The following LRRC8B variants were observed in gnomAD, a reference collection of about 807,000 sequenced individuals.
LRRC8B encodes leucine rich repeat containing 8 VRAC subunit B.
Under a neutral mutation model 58.8 loss-of-function variants are expected in LRRC8B, and 23 were observed. The ratio of observed to expected loss-of-function variants is 0.39; its 90% CI spans 0.28 to 0.55. The LOEUF is 0.55. Among genes scored for constraint, LRRC8B ranks in the 20% least tolerant of loss-of-function variants. LRRC8B has a pLI of 0.62. For synonymous variants in LRRC8B, 359 were observed against 374.1 expected, an observed-to-expected ratio of 0.96 and a Z score of 0.47; for missense variants, 694 against 936.0, an observed-to-expected ratio of 0.74 and a Z score of 3.37.
intron 1 of LRRC8B, among the ~76,000 whole-genome samples, chr1:89,527,149 G>T (rs1318720019): frequency 6.6e-6 from 1 of 152,146 alleles, no homozygotes; most frequent in Non-Finnish European, 1.5e-5. Context: ...GAACATCCTT[G>T]TTTTAGCCAA....
intron 3 of LRRC8B, among the ~76,000 whole-genome samples, chr1:89,578,463 T>A (rs1654005901): frequency 6.6e-6 from 1 of 152,350 alleles, no homozygotes; most frequent in Non-Finnish European, 1.5e-5. Flanking sequence ...CCTGTAGTTA[T>A]GAATTAGTGT....
At position 89,567,097 on chromosome 1, in the gene LRRC8B, G is replaced by A. The variant is rs181053633; in HGVS notation, c.-240-1150G>A. On this transcript the variant is annotated intron_variant, in intron 1 of 5. Coordinates refer to ENST00000330947, the MANE Select transcript of LRRC8B (RefSeq NM_001369817.2). ...ACTGGTGGACGTGCTGACGCAGGCC[G>A]CCTGCCTCAGCAGCTGGGTCGGTCA... Among the ~76,000 whole-genome samples, 1,472 of 152,254 alleles carry A rather than the reference G, an allele frequency of 9.7e-3. 15 individuals carry two copies. Among genetic ancestry groups the A allele is most frequent in the Admixed American group, 0.014 (213 of 15,292 alleles).
intron 3 of LRRC8B, among the ~76,000 whole-genome samples, chr1:89,571,211 A>C (rs1420607888): frequency 6.6e-6 from 1 of 152,128 alleles, no homozygotes; most frequent in Non-Finnish European, 1.5e-5. Context: ...TTTTGGTTCC[A>C]TGTGAGTTTT....
At chr1:89,576,983 A>G (rs59270359) in intron 3 of LRRC8B, among the ~76,000 whole-genome samples, 3,228 of 152,308 alleles carry the variant, frequency 0.021, 107 homozygotes, top group African/African-American at 0.073. Context: ...TAGAGAGAGA[A>G]CTCAACAAAA....
intron 1 of LRRC8B, among the ~76,000 whole-genome samples, chr1:89,564,191 A>T (rs1319333133): frequency 6.6e-6 from 1 of 152,196 alleles, no homozygotes; most frequent in Admixed American, 6.5e-5. Flanking sequence ...TGCAAGCAGG[A>T]TGTACCCTTG....
intron 3 of LRRC8B, among the ~76,000 whole-genome samples, chr1:89,575,886 T>A (rs1653809907): frequency 1.3e-5 from 2 of 152,222 alleles, no homozygotes; most frequent in Non-Finnish European, 2.9e-5. Flanking sequence ...TTGCTTTCTT[T>A]TTAAACATAT....
At chr1:89,541,519 G>T (rs561189185) in intron 1 of LRRC8B, among the ~76,000 whole-genome samples, 1 of 151,252 alleles carries the variant, frequency 6.6e-6, no homozygotes. Context: ...AGACCATCCC[G>T]GCTAAAACGG....
chr1:89,587,229 A>G (rs1654686393), intron 5 of LRRC8B, among the ~76,000 whole-genome samples: 1 of 152,198 alleles, frequency 6.6e-6, no homozygotes, highest in South Asian at 2.1e-4. Flanking sequence ...TCAGGAATTC[A>G]TGTTTCATGT....
intron 1 of LRRC8B, among the ~76,000 whole-genome samples, chr1:89,534,339 T>C (rs974808950): frequency 6.6e-6 from 1 of 152,226 alleles, no homozygotes; most frequent in Non-Finnish European, 1.5e-5. Flanking sequence ...CAAAGTGATT[T>C]GATATCTCAC....
chr1:89,583,516 G>C lies in LRRC8B; in HGVS notation c.866G>C (p.Cys289Ser). 1 of 1,613,378 alleles carries C rather than the reference G, an allele frequency of 6.2e-7. No individual in the cohort carries two copies. The highest frequency in any genetic ancestry group is 1.3e-5 in the African/African-American group (1 of 75,036). The change falls in exon 5 of 6, where the codon TGT becomes TCT. Residue 289 changes from cysteine to serine, a missense_variant. By Grantham distance (112) the Cys-to-Ser change is moderately radical. This residue lies in a region of LRRC8B where 316 missense variants were observed against 403.8 expected (regional missense o/e 0.78). Coordinates refer to ENST00000330947, the MANE Select transcript of LRRC8B (RefSeq NM_001369817.2). This position sits in a 1 kb window ranked among gnomAD's most constrained non-coding sequence, Gnocchi z 5.2. ...FLTHITLEIDCSVDVQAFTGY... is the reference protein window; with the variant it reads ...FLTHITLEIDSSVDVQAFTGY... ...ACCCACATCACTCTTGAAATCGACT[G>C]TTCAGTTGATGTGCAGGCTTTTACA...
At chr1:89,571,383 T>C (rs1267402838) in intron 3 of LRRC8B, among the ~76,000 whole-genome samples, 1 of 152,238 alleles carries the variant, frequency 6.6e-6, no homozygotes, top group African/African-American at 2.4e-5. Flanking sequence ...TTGTGTCATC[T>C]CCAATTTCTT....
chr1:89,581,838 G>GT (rs1455041939), intron 4 of LRRC8B, among the ~76,000 whole-genome samples: 3 of 152,136 alleles, frequency 2.0e-5, no homozygotes, highest in African/African-American at 4.8e-5. Context: ...AATACTCTAA[G>GT]TTTTTTCATA....
intron 1 of LRRC8B, among the ~76,000 whole-genome samples, chr1:89,554,372 CCTGTACAGTGA>C (rs2100922651): frequency 6.6e-6 from 1 of 152,236 alleles, no homozygotes; most frequent in African/African-American, 2.4e-5. Context: ...ACTCATAAAC[CCTGTACAGTGA>C]CTATTGTTCT....
Position 89,583,182 on chromosome 1 carries a change from G to A in LRRC8B, c.532G>A (p.Val178Met), listed in dbSNP as rs1252033537. ...ALSETVAEQS[V>M]RPLKLSKSKI... is the part of the protein sequence containing the mutation. Reference sequence around the variant, plus strand: ...TTCAGAAACAGTGGCTGAGCAGTCAGTGAGGCCTCTGAAACTCTCCAAGTC... The same window carrying A: ...TTCAGAAACAGTGGCTGAGCAGTCAATGAGGCCTCTGAAACTCTCCAAGTC... Residue 178 changes from valine to methionine, a missense_variant, in exon 5 of 6, where the codon GTG (valine) becomes ATG (methionine). Coordinates refer to ENST00000330947, the MANE Select transcript of LRRC8B (RefSeq NM_001369817.2). The surrounding 1 kb of genome is among the most constrained non-coding windows in gnomAD (Gnocchi z 5.2). 4 of 1,614,192 alleles carry A rather than the reference G, an allele frequency of 2.5e-6. No individual in the cohort carries two copies. In the South Asian group the frequency reaches 4.4e-5, roughly 18 times the overall value.
chr1:89,588,006 TG>T, intron 5 of LRRC8B: 1 of 152,338 alleles, frequency 6.6e-6, no homozygotes, highest in East Asian at 1.9e-4. Context: ...TTCTTTGTAA[TG>T]TTAGCCCCGG....
chr1:89,588,053 C>G (rs1297461894), intron 5 of LRRC8B: 2 of 152,190 alleles, frequency 1.3e-5, no homozygotes, highest in African/African-American at 4.8e-5. Flanking sequence ...ATTGGCATAG[C>G]TAATGAATGC....
At chr1:89,551,798 C>A (rs1202699524) in intron 1 of LRRC8B, among the ~76,000 whole-genome samples, 1 of 152,190 alleles carries the variant, frequency 6.6e-6, no homozygotes, top group African/African-American at 2.4e-5. Context: ...ATGAGACCCA[C>A]TAGCCAGGCT....
rs1467183527 is a variant in LRRC8B, at chr1:89,584,559, T to A, written c.1909T>A (p.Cys637Ser). The change falls in exon 5 of 6, where the codon TGC becomes AGC. Residue 637 changes from cysteine (C) to serine (S), a missense_variant. Physicochemically the swap from Cys to Ser is moderately radical, Grantham distance 112. Around this residue, in one of 5 missense-constraint regions of LRRC8B, gnomAD observed 53 missense variants for 112.3 expected, o/e 0.47. Coordinates refer to ENST00000330947, the MANE Select transcript of LRRC8B (RefSeq NM_001369817.2). The part of the protein sequence containing the change: ...ISFQHLQNLS[C>S]LKLWHNNIAY... ...CTTTCAGCATCTTCAGAATCTTTCC[T>A]GCTTAAAGTTGTGGCACAATAACAT... 6.2e-7 allele frequency: 1 copy of A among 1,614,090 alleles called. No individual in the cohort carries two copies. The highest frequency in any genetic ancestry group is 1.7e-5 in the Admixed American group (1 of 60,012).
In LRRC8B at chr1:89,524,977, G is replaced by A. The variant is rs1348665960; in HGVS notation, c.-286G>A. On this transcript the variant is annotated 5_prime_UTR_variant, in exon 1 of 6. Transcript: ENST00000330947. ...AGCCTGCCCGCCCGGAGCGGCCCAG[G>A]AGCACGCCGCGGGGAGCGCGGGCGT... 6.6e-6 allele frequency: 1 copy of A among 152,148 alleles called. No individual in the cohort carries two copies. The highest frequency in any genetic ancestry group is 2.1e-4 in the South Asian group (1 of 4,840). The allele number at this position is 152,148 out of a possible 1,614,324, so 9.4% of individuals were successfully genotyped here. A position where few individuals can be genotyped will look rare whatever the true frequency, so the allele number is the denominator to read the frequency against.
Sources: allele counts gnomAD v4.1 joint callset (sites outside exome capture counted in the v4.1 genomes callset), GRCh38; gene constraint gnomAD v4.1.1; regional missense constraint gnomAD v4.1.1; non-coding constraint Gnocchi (gnomAD v3.1); transcripts MANE v1.5; gene names NCBI Gene and HGNC (gene_info 2026-07-23, HGNC 2026-07-21).